The following GNB1L variants were observed in gnomAD, a reference collection of about 807,000 sequenced individuals.
The protein encoded by GNB1L is G protein subunit beta 1 like, also known as guanine nucleotide-binding protein subunit beta-like protein 1.
A neutral mutation model predicts 29.1 loss-of-function variants in GNB1L; 20 were observed. The ratio of observed to expected loss-of-function variants is 0.69; its 90% CI spans 0.48 to 1.00. The LOEUF is 1.00. Ranked by LOEUF, GNB1L falls within the 50% of genes least tolerant of loss-of-function variation. The pLI is 0.00. For synonymous variants in GNB1L, 193 were observed against 206.5 expected (o/e 0.93, Z 0.56); for missense variants, 421 against 464.9 (o/e 0.91, Z 0.87).
rs1937207166 is a variant in GNB1L at position 19,788,061 on chromosome 22, A to C, written c.*648T>G. 6.3e-6 allele frequency: 1 copy of C among 157,752 alleles called. No homozygotes were observed. The highest frequency in any genetic ancestry group is 1.4e-5 in the Non-Finnish European group (1 of 71,690). The allele number at this position is 157,752 out of a possible 1,614,324, so 9.8% of individuals were successfully genotyped here. A position where few individuals can be genotyped will look rare whatever the true frequency, so the allele number is the denominator to read the frequency against. On this transcript the variant is annotated 3_prime_UTR_variant, in exon 8 of 8. Transcript: ENST00000329517. The stretch of plus-strand genomic sequence containing the variant: ...GGGCAGGCGTGCCCTCCCGGATCCC[A>C]CATCTGGCCTGGCCCTGTGCGCTGC...
At chr22:19,827,484 A>G (rs140582472) in intron 2 of GNB1L, among the ~76,000 whole-genome samples, 1 of 152,384 alleles carries the variant, frequency 6.6e-6, no homozygotes, top group East Asian at 1.9e-4. Flanking sequence ...GAATATCTAA[A>G]GAACACAGAG....
chr22:19,817,175 G>A (rs982516878), intron 4 of GNB1L, among the ~76,000 whole-genome samples: 13 of 152,234 alleles, frequency 8.5e-5, no homozygotes, highest in African/African-American at 1.2e-4. Flanking sequence ...CCATTAAAAT[G>A]AGTAACTTTG....
In GNB1L at chr22:19,789,646, C is replaced by T. The variant is rs1390497407; in HGVS notation, c.733-686G>A. ...AGACCCGGAGCCACACAGACAGGTC[C>T]TACGTGCACGGGGCCGTCGGGGTGC... On this transcript the variant is annotated intron_variant, in intron 7 of 7. Transcript: ENST00000329517. 2.8e-4 allele frequency among the ~76,000 whole-genome samples: 42 copies of T among 152,060 alleles called. 1 individual carries two copies. The highest frequency in any genetic ancestry group is 2.8e-3 in the Admixed American group (42 of 15,266).
At chr22:19,827,261 CA>C (rs934102390) in intron 2 of GNB1L, among the ~76,000 whole-genome samples, 2 of 151,864 alleles carry the variant, frequency 1.3e-5, no homozygotes, top group East Asian at 1.9e-4. Flanking sequence ...TCAAATGTTT[CA>C]AAAAAAATTC....
intron 2 of GNB1L, among the ~76,000 whole-genome samples, chr22:19,835,675 A>AT (rs1313995297): frequency 2.0e-5 from 3 of 152,142 alleles, no homozygotes; most frequent in South Asian, 2.1e-4. Flanking sequence ...CTCTGTCTCG[A>AT]TAAAAAAAAA....
intron 5 of GNB1L, 69 bp from the exon 6 acceptor site, chr22:19,806,826 T>G (rs1937442245): frequency 9.0e-7 from 1 of 1,113,668 alleles, no homozygotes; most frequent in Non-Finnish European, 1.4e-6. Context: ...AACAAGAGAC[T>G]CTTAAGGCGA....
chr22:19,841,609 T>A (rs1032616601), intron 2 of GNB1L, among the ~76,000 whole-genome samples: 7 of 152,214 alleles, frequency 4.6e-5, no homozygotes, highest in African/African-American at 1.7e-4. Context: ...ACTACTGCAC[T>A]GCAGCCTAGC....
rs923691426 is a variant in GNB1L at position 19,854,503 on chromosome 22, AC to A, written c.-82del. 6.6e-6 allele frequency: 1 copy of A among 152,668 alleles called. No individual in the cohort carries two copies. Among genetic ancestry groups the A allele is most frequent in the African/African-American group, 2.4e-5 (1 of 41,452 alleles). 9.5% of individuals were successfully genotyped at this position (152,668 alleles called of 1,614,324 possible). ...GGGATCCGTAGCCACAGACCGTGGG[AC>A]GGGCCTCCCTCTGAGGGCGAGAGTC... On this transcript the variant is annotated 5_prime_UTR_variant, in exon 2 of 8. Coordinates refer to ENST00000329517, the MANE Select transcript of GNB1L (RefSeq NM_053004.3).
chr22:19,806,845 G>C lies in GNB1L; in HGVS notation c.418-88C>G, dbSNP rs528143891. ...AGAGACTCTTAAGGCGATTAGCCCGGGCTGCTGTGAGTTTCTGTCTGCTCC... is the reference window on the plus strand; with the variant it reads ...AGAGACTCTTAAGGCGATTAGCCCGCGCTGCTGTGAGTTTCTGTCTGCTCC... On this transcript the variant is annotated intron_variant, in intron 5 of 7. Coordinates refer to ENST00000329517, the MANE Select transcript of GNB1L (RefSeq NM_053004.3). 1.7e-5 allele frequency: 16 copies of C among 924,624 alleles called. No homozygotes were observed. The East Asian group carries it at 4.2e-4, about 24-fold the overall frequency. The allele number at this position is 924,624 out of a possible 1,614,324, so 57.3% of individuals were successfully genotyped here.
In GNB1L at chr22:19,788,478, C is replaced by T. The variant is rs1937212283; in HGVS notation, c.*231G>A. On this transcript the variant is annotated 3_prime_UTR_variant, in exon 8 of 8. Coordinates refer to ENST00000329517, the MANE Select transcript of GNB1L (RefSeq NM_053004.3). The stretch of plus-strand genomic sequence containing the variant: ...CAACACAGCAGGCCCAAGCCAACGT[C>T]TCCTGCAGGCCTCGGACGGCCAGGG... The T allele has an allele frequency of 3.1e-6, 2 of 637,910 alleles. No homozygotes were observed. Among genetic ancestry groups the T allele is most frequent in the African/African-American group, 1.8e-5 (1 of 54,912 alleles). The allele number at this position is 637,910 out of a possible 1,614,324, so 39.5% of individuals were successfully genotyped here.
At chr22:19,796,348 G>C (rs73379923) in intron 7 of GNB1L, among the ~76,000 whole-genome samples, 1 of 152,160 alleles carries the variant, frequency 6.6e-6, no homozygotes, top group African/African-American at 2.4e-5. Flanking sequence ...GACTTAAAGG[G>C]CTAAGAATCA....
Position 19,851,378 on chromosome 22 carries a change from G to T in GNB1L, c.-21+3065C>A. ...CAGTCTAGGGACAGGTGTGGGGGCT[G>T]CCTCCTCTGGCTGGGAAGAGGCTGG... is the stretch of plus-strand genomic sequence containing the variant. On this transcript the variant is annotated intron_variant, in intron 2 of 7. Transcript: ENST00000329517. The T allele has an allele frequency of 3.7e-6, 6 of 1,614,138 alleles. No individual in the cohort carries two copies. In the South Asian group the frequency reaches 6.6e-5, roughly 18 times the overall value.
intron 2 of GNB1L, chr22:19,850,680 C>T: frequency 8.1e-7 from 1 of 1,231,030 alleles, no homozygotes; most frequent in Non-Finnish European, 1.0e-6. Flanking sequence ...CCAGCTGGGA[C>T]AGAAGTCACA....
intron 2 of GNB1L, among the ~76,000 whole-genome samples, chr22:19,841,445 T>C (rs1937858081): frequency 6.6e-6 from 1 of 152,106 alleles, no homozygotes; most frequent in African/African-American, 2.4e-5. Context: ...CTGGGCAACA[T>C]AGCAAGACCC....
intron 2 of GNB1L, chr22:19,848,012 T>C (rs1333327311): frequency 5.1e-6 from 5 of 985,198 alleles, no homozygotes; most frequent in Non-Finnish European, 6.0e-6. Context: ...TAAATTTCCA[T>C]ATTTATTTGG....
intron 4 of GNB1L, among the ~76,000 whole-genome samples, chr22:19,815,440 G>A (rs1937520592): frequency 1.3e-5 from 2 of 152,254 alleles, no homozygotes; most frequent in African/African-American, 4.8e-5. Context: ...TGACACTGCA[G>A]GGAGGCCGAG....
At position 19,851,081 on chromosome 22, in the gene GNB1L, T is replaced by G. The variant is rs566227636; in HGVS notation, c.-21+3362A>C. The stretch of plus-strand genomic sequence containing the variant: ...GTCTGAAGTCATCTGGGGACACCAC[T>G]CTGCTCTGACTGGGGACTATGGGGC... On this transcript the variant is annotated intron_variant, in intron 2 of 7. Coordinates refer to ENST00000329517, the MANE Select transcript of GNB1L (RefSeq NM_053004.3). 103 of 1,478,752 alleles carry G rather than the reference T, an allele frequency of 7.0e-5. 1 individual carries two copies. The South Asian group carries it at 1.1e-3, about 16-fold the overall frequency. The allele number at this position is 1,478,752 out of a possible 1,614,324, so 91.6% of individuals were successfully genotyped here.
At chr22:19,794,850 G>A (rs975464633) in intron 7 of GNB1L, among the ~76,000 whole-genome samples, 11 of 152,074 alleles carry the variant, frequency 7.2e-5, no homozygotes, top group Non-Finnish European at 1.2e-4. Context: ...GTGTGGTGGC[G>A]TGTGCCTGTA....
rs180807369 is a variant in GNB1L, at chr22:19,823,598, G to A, written c.-20-2223C>T. Among the ~76,000 whole-genome samples the A allele has an allele frequency of 3.4e-3, 516 of 152,242 alleles. 3 individuals are homozygous for A. The highest frequency in any genetic ancestry group is 6.1e-3 in the Non-Finnish European group (413 of 68,018). ...GGAAAGCACCGAGTCCAGGATGGAG[G>A]GTCCCTCCCATGACTCCAGTCCAGG... On this transcript the variant is annotated intron_variant, in intron 2 of 7. Transcript: ENST00000329517.
Sources: allele counts gnomAD v4.1 joint callset (sites outside exome capture counted in the v4.1 genomes callset), GRCh38; gene constraint gnomAD v4.1.1; transcripts MANE v1.5; gene names NCBI Gene and HGNC (gene_info 2026-07-23, HGNC 2026-07-21).